DOCK3: variants seen among roughly 807,000 people sequenced by gnomAD.
DOCK3 encodes the protein dedicator of cytokinesis 3.
Under a neutral mutation model 265.6 loss-of-function variants are expected in DOCK3, and 60 were observed. That is an observed-to-expected ratio of 0.23 (90% CI 0.18 to 0.28). DOCK3 has a LOEUF of 0.28. Among genes scored for constraint, DOCK3 ranks in the 10% least tolerant of loss-of-function variants. DOCK3 has a pLI of 1.00. For synonymous variants in DOCK3, 881 were observed against 938.0 expected (o/e 0.94, Z 1.11); for missense variants, 1,981 against 2,594.3 (o/e 0.76, Z 5.14).
chr3:51,195,117 G>A (rs1229883330), intron 12 of DOCK3, among the ~76,000 whole-genome samples: 4 of 152,092 alleles, frequency 2.6e-5, no homozygotes, highest in Non-Finnish European at 5.9e-5. Context: ...GAGCCACTGC[G>A]CCTGGCCCGA....
At chr3:51,312,688 G>T in intron 30 of DOCK3, 112 bp downstream of exon 30, 1 of 1,265,056 alleles carries the variant, frequency 7.9e-7, no homozygotes, top group South Asian at 1.5e-5. Context: ...GTTTCCCAGG[G>T]GCCCAAGTGT....
rs782018676 is a variant in DOCK3 at position 51,381,304 on chromosome 3, C to A, written c.5838C>A (p.Asp1946Glu). The A allele has an allele frequency of 1.9e-6, 3 of 1,613,566 alleles. No homozygotes were observed. The African/African-American group carries it at 4.0e-5, about 22-fold the overall frequency. ...HYSLSESAVL[D>E]SIKAQPCRSH... ...GCCTCTCTGAGTCTGCCGTCCTGGA[C>A]TCCATCAAGGCCCAGCCATGCCGAA... Residue 1946 changes from aspartate (D) to glutamate (E), a missense_variant, in exon 53 of 53, where the codon GAC becomes GAA. Transcript: ENST00000266037. This position sits in a 1 kb window ranked among gnomAD's most constrained non-coding sequence, Gnocchi z 5.6.
chr3:50,876,103 CAG>C (rs1179304680), intron 3 of DOCK3, among the ~76,000 whole-genome samples: 1 of 151,984 alleles, frequency 6.6e-6, no homozygotes, highest in East Asian at 1.9e-4. Context: ...TTCTGAGAAA[CAG>C]AACCTGTTCC....
intron 4 of DOCK3, among the ~76,000 whole-genome samples, chr3:50,904,503 C>T (rs1171552298): frequency 6.6e-6 from 1 of 152,200 alleles, no homozygotes; most frequent in African/African-American, 2.4e-5. Flanking sequence ...TTGCATTTCT[C>T]TGATGACCAG....
At position 51,225,672 on chromosome 3, in the gene DOCK3, C is replaced by A. The variant is rs767321815; in HGVS notation, c.1276C>A (p.Leu426Ile). 1 of 1,613,406 alleles carries A rather than the reference C, an allele frequency of 6.2e-7. No homozygotes were observed. The highest frequency in any genetic ancestry group is 1.3e-5 in the African/African-American group (1 of 74,886). The change falls in exon 15 of 53, where the codon CTA (leucine) becomes ATA (isoleucine). Residue 426 changes from leucine to isoleucine, a missense_variant. Leu to Ile is a conservative substitution (Grantham distance 5). Transcript: ENST00000266037. ...AGGTGATATCCGCAATGACCTGTAC[C>A]TAACCCTGGAGAAGGGGGATTTCGA... Reference protein sequence around the residue: ...MPGDIRNDLYLTLEKGDFERG... With the variant: ...MPGDIRNDLYITLEKGDFERG...
chr3:51,354,025 A>G (rs2086189516), intron 40 of DOCK3, among the ~76,000 whole-genome samples: 1 of 152,180 alleles, frequency 6.6e-6, no homozygotes, highest in Non-Finnish European at 1.5e-5. Context: ...TAAATGTGAC[A>G]TAACATAAAG....
At chr3:51,009,831 T>G (rs868587680) in intron 5 of DOCK3, among the ~76,000 whole-genome samples, 2 of 152,362 alleles carry the variant, frequency 1.3e-5, no homozygotes, top group African/African-American at 4.8e-5. Flanking sequence ...TTGTTCTCTC[T>G]GGTTTCAAAG....
chr3:51,221,885 G>T (rs1259467857), intron 14 of DOCK3, among the ~76,000 whole-genome samples: 1 of 152,098 alleles, frequency 6.6e-6, no homozygotes, highest in Non-Finnish European at 1.5e-5. Context: ...CACCCTCTCA[G>T]CACATCTGCA....
intron 1 of DOCK3, among the ~76,000 whole-genome samples, chr3:50,744,578 C>T (rs1199104227): frequency 6.6e-6 from 1 of 152,032 alleles, no homozygotes; most frequent in South Asian, 2.1e-4. Context: ...GGACTACAGG[C>T]ACGTGCCACC....
chr3:51,110,394 T>G (rs1355249963), intron 9 of DOCK3, among the ~76,000 whole-genome samples: 4 of 152,080 alleles, frequency 2.6e-5, no homozygotes, highest in African/African-American at 9.7e-5. Context: ...AACAGACACT[T>G]CAGGCCATTA....
chr3:50,987,497 T>C (rs2077945419), intron 5 of DOCK3, among the ~76,000 whole-genome samples: 1 of 152,220 alleles, frequency 6.6e-6, no homozygotes. Flanking sequence ...TTACTTTTTA[T>C]TACTTACTAT....
chr3:51,080,589 C>A (rs1431839332), intron 7 of DOCK3, among the ~76,000 whole-genome samples: 2 of 152,132 alleles, frequency 1.3e-5, no homozygotes, highest in Non-Finnish European at 2.9e-5. Flanking sequence ...ATGTGGTATG[C>A]TTTCAGACTA....
chr3:51,022,556 G>A (rs183517638), intron 5 of DOCK3, among the ~76,000 whole-genome samples: 15 of 152,216 alleles, frequency 9.9e-5, no homozygotes, highest in East Asian at 3.9e-4. Flanking sequence ...TGTTACCAGC[G>A]TACACAATAG....
chr3:51,031,507 C>CT (rs998579765), intron 5 of DOCK3, among the ~76,000 whole-genome samples: 1 of 152,166 alleles, frequency 6.6e-6, no homozygotes. Context: ...CCCAGCAAAG[C>CT]TTGCCCTTTA....
intron 27 of DOCK3, 38 bp from the exon 28 acceptor site, chr3:51,310,194 G>A: frequency 6.6e-7 from 1 of 1,508,088 alleles, no homozygotes; most frequent in Non-Finnish European, 9.1e-7. Flanking sequence ...TGCATATTGT[G>A]GTGGTGGTGT....
chr3:51,274,974 A>C (rs2080730365), intron 24 of DOCK3, 105 bp from the exon 25 acceptor site: 1 of 1,449,032 alleles, frequency 6.9e-7, no homozygotes. Context: ...CTCTAGTCTG[A>C]ACCCCACCTG....
intron 3 of DOCK3, chr3:50,877,568 G>A (rs1013084427): frequency 9.6e-6 from 5 of 519,318 alleles, no homozygotes; most frequent in South Asian, 5.6e-5. Context: ...ATGGTCAAGC[G>A]AGGATTCAGC....
chr3:51,199,197 G>A (rs577379268), intron 12 of DOCK3, among the ~76,000 whole-genome samples: 110 of 152,314 alleles, frequency 7.2e-4, no homozygotes, highest in African/African-American at 2.6e-3. Context: ...CAGGTCAGTG[G>A]GTGCAGCACA....
At chr3:50,696,607 T>A (rs1221579136) in intron 1 of DOCK3, among the ~76,000 whole-genome samples, 1 of 152,172 alleles carries the variant, frequency 6.6e-6, no homozygotes, top group Non-Finnish European at 1.5e-5. Context: ...ATGAAAGATT[T>A]GTGCAAGGTG....
Sources: allele counts gnomAD v4.1 joint callset (sites outside exome capture counted in the v4.1 genomes callset), GRCh38; gene constraint gnomAD v4.1.1; non-coding constraint Gnocchi (gnomAD v3.1); transcripts MANE v1.5; gene names NCBI Gene and HGNC (gene_info 2026-07-23, HGNC 2026-07-21).